Variants in CCDC192 observed in about 807,000 individuals in gnomAD.
The protein encoded by CCDC192 is coiled-coil domain containing 192.
chr5:127,870,332 A>G (rs1284664218), intron 5 of CCDC192, among the ~76,000 whole-genome samples: 1 of 152,228 alleles, frequency 6.6e-6, no homozygotes, highest in Non-Finnish European at 1.5e-5. Flanking sequence ...TCACCAGCAC[A>G]CTTCAATGCT....
intron 5 of CCDC192, among the ~76,000 whole-genome samples, chr5:127,845,793 G>C (rs868432467): frequency 5.9e-5 from 9 of 152,172 alleles, no homozygotes; most frequent in African/African-American, 2.2e-4. Context: ...AGAGGGACAT[G>C]TATGTGCTAT....
At chr5:127,786,337 GA>G (rs537299729) in intron 3 of CCDC192, 1,293 of 539,454 alleles carry the variant, frequency 2.4e-3, no homozygotes, top group South Asian at 3.9e-3. Context: ...CTCTGTGACA[GA>G]AAAAAAAAAG....
chr5:127,706,907 G>A (rs1319710132), intron 1 of CCDC192, among the ~76,000 whole-genome samples: 1 of 152,220 alleles, frequency 6.6e-6, no homozygotes, highest in Non-Finnish European at 1.5e-5. Flanking sequence ...AAGGAAGGAT[G>A]AGTAAGCCAA....
At chr5:127,781,619 C>G (rs986880017) in intron 3 of CCDC192, among the ~76,000 whole-genome samples, 2 of 138,242 alleles carry the variant, frequency 1.4e-5, no homozygotes, top group Non-Finnish European at 3.1e-5. Context: ...GGGTTGAGTT[C>G]GTGATTTGAT....
intron 6 of CCDC192, among the ~76,000 whole-genome samples, chr5:127,939,691 T>G (rs957019563): frequency 1.2e-4 from 4 of 34,750 alleles, no homozygotes; most frequent in African/African-American, 1.8e-4. Flanking sequence ...TTTTATGTTT[T>G]TTTTTTTTTT....
intron 5 of CCDC192, among the ~76,000 whole-genome samples, chr5:127,874,870 G>A (rs764770954): frequency 6.6e-6 from 1 of 152,140 alleles, no homozygotes; most frequent in Non-Finnish European, 1.5e-5. Context: ...ATGAAGTCTC[G>A]AGGTGAATCC....
rs149705911 is a variant in CCDC192, at chr5:127,715,669, G to A, written c.114+7909G>A. On this transcript the variant is annotated intron_variant, in intron 2 of 6. Transcript: ENST00000514853. ...TTGCATTTAATCTGTAAATTTCTTTGGATAGTGAAGACATTTTAACAATAT... is the reference window on the plus strand; with the variant it reads ...TTGCATTTAATCTGTAAATTTCTTTAGATAGTGAAGACATTTTAACAATAT... Among the ~76,000 whole-genome samples the A allele has an allele frequency of 9.2e-5, 14 of 152,200 alleles. No individual in the cohort carries two copies. In the East Asian group the frequency reaches 2.7e-3, roughly 29 times the overall value.
intron 5 of CCDC192, among the ~76,000 whole-genome samples, chr5:127,804,731 A>G (rs1249373664): frequency 6.6e-6 from 1 of 152,190 alleles, no homozygotes; most frequent in African/African-American, 2.4e-5. Flanking sequence ...TGAAATGCAG[A>G]TTTTGAGGAC....
chr5:127,733,930 T>A (rs1178713494), intron 2 of CCDC192, among the ~76,000 whole-genome samples: 2 of 142,702 alleles, frequency 1.4e-5, no homozygotes, highest in Non-Finnish European at 3.0e-5. Context: ...TATATATATA[T>A]ATTTTTTTAT....
chr5:127,726,519 G>T (rs1260369624), intron 2 of CCDC192, among the ~76,000 whole-genome samples: 1 of 152,154 alleles, frequency 6.6e-6, no homozygotes, highest in African/African-American at 2.4e-5. Context: ...TAACAAGAAG[G>T]TCGCCCAGAG....
chr5:127,815,144 T>C (rs879583552), intron 5 of CCDC192, among the ~76,000 whole-genome samples: 1 of 152,180 alleles, frequency 6.6e-6, no homozygotes, highest in Non-Finnish European at 1.5e-5. Flanking sequence ...TGTAGGTTCA[T>C]GGGCATATTT....
chr5:127,881,156 C>G (rs1287072843), intron 6 of CCDC192, among the ~76,000 whole-genome samples: 2 of 152,052 alleles, frequency 1.3e-5, no homozygotes, highest in South Asian at 4.2e-4. Flanking sequence ...ATTTCAGACC[C>G]CATGATAAAT....
At chr5:127,794,487 G>A (rs1230919144) in intron 3 of CCDC192, among the ~76,000 whole-genome samples, 1 of 152,160 alleles carries the variant, frequency 6.6e-6, no homozygotes, top group African/African-American at 2.4e-5. Context: ...TCTGCAGACT[G>A]TCTGACATGT....
chr5:127,829,385 A>AACTTTG (rs80061761), intron 5 of CCDC192, among the ~76,000 whole-genome samples: 1 of 151,936 alleles, frequency 6.6e-6, no homozygotes, highest in Non-Finnish European at 1.5e-5. Flanking sequence ...TTTGGTAATT[A>AACTTTG]TAAACATCCT....
chr5:127,782,006 T>C lies in CCDC192; in HGVS notation c.223-15097T>C, dbSNP rs574493808. On this transcript the variant is annotated intron_variant, in intron 3 of 6. Coordinates refer to ENST00000514853, the MANE Select transcript of CCDC192 (RefSeq NM_001317938.2). ...TTTTATTACATTGAGGTGTATCCCT[T>C]GTATGCTGATTTTGCTGAGAGTTTT... 2.0e-5 allele frequency among the ~76,000 whole-genome samples: 3 copies of C among 152,270 alleles called. No homozygotes were observed. In the South Asian group the frequency reaches 6.2e-4, roughly 32 times the overall value.
intron 3 of CCDC192, among the ~76,000 whole-genome samples, chr5:127,787,820 A>G (rs1480788326): frequency 1.3e-5 from 2 of 152,118 alleles, no homozygotes; most frequent in Non-Finnish European, 2.9e-5. Flanking sequence ...ATCCATTATG[A>G]AACTGGAATA....
chr5:127,785,952 A>C, intron 3 of CCDC192: 2 of 522,194 alleles, frequency 3.8e-6, no homozygotes, highest in South Asian at 2.0e-5. Flanking sequence ...CCTTCTGTAC[A>C]TACATTTTGG....
intron 5 of CCDC192, among the ~76,000 whole-genome samples, chr5:127,804,391 T>C (rs1757670584): frequency 6.6e-6 from 1 of 152,154 alleles, no homozygotes; most frequent in Admixed American, 6.5e-5. Context: ...AACTGGACTC[T>C]CTCTCCAGGG....
chr5:127,827,822 C>T (rs892293527), intron 5 of CCDC192, among the ~76,000 whole-genome samples: 1 of 152,186 alleles, frequency 6.6e-6, no homozygotes, highest in African/African-American at 2.4e-5. Context: ...AGTACCTAGA[C>T]AGAAAAATGA....
Sources: gnomAD v4.1 joint callset for allele counts (sites outside exome capture counted in the v4.1 genomes callset) on GRCh38, gnomAD v4.1.1 for gene constraint, MANE v1.5 for transcripts, NCBI Gene and HGNC (gene_info 2026-07-23, HGNC 2026-07-21) for gene names.